The following PIK3C3 variants were observed in gnomAD, a reference collection of about 807,000 sequenced individuals.
PIK3C3 encodes phosphatidylinositol 3-kinase catalytic subunit type 3, also known as PI3-kinase type 3.
A neutral mutation model predicts 126.1 loss-of-function variants in PIK3C3; 95 were observed. The ratio of observed to expected loss-of-function variants is 0.75; its 90% CI spans 0.64 to 0.89. The LOEUF (loss-of-function observed/expected upper bound fraction) is 0.89. PIK3C3 is among the 40% of genes least tolerant of loss of function. The pLI, the probability that PIK3C3 is intolerant of heterozygous loss-of-function variation, is 0.00. For synonymous variants in PIK3C3, 374 were observed against 360.0 expected (o/e 1.04, Z -0.44); for missense variants, 829 against 1,063.2 (o/e 0.78, Z 3.06).
chr18:41,991,280 GTGGT>G (rs1981764118), intron 6 of PIK3C3, among the ~76,000 whole-genome samples: 1 of 152,062 alleles, frequency 6.6e-6, no homozygotes, highest in Admixed American at 6.6e-5. Flanking sequence ...TTCCAGCACT[GTGGT>G]TGGCTGCGTG....
chr18:42,033,518 C>T (rs1299061126), intron 15 of PIK3C3, among the ~76,000 whole-genome samples: 1 of 152,174 alleles, frequency 6.6e-6, no homozygotes, highest in African/African-American at 2.4e-5. Flanking sequence ...GAAATTGAAT[C>T]TTTAGGTCCA....
At position 42,013,507 on chromosome 18, in the gene PIK3C3, G is replaced by A; in HGVS notation, c.1236G>A (p.Lys412=). The part of the protein sequence containing the change: ...ALKYENFDDI[K]NGLEPTKKDS... ...AATATGAAAATTTTGATGATATAAA[G>A]AATGGATTGGAACCTACCAAGAAGG... Residue 412 remains lysine (K), a synonymous_variant, in exon 11 of 25, where the codon AAG becomes AAA. Coordinates refer to ENST00000262039, the MANE Select transcript of PIK3C3 (RefSeq NM_002647.4). 2.5e-6 allele frequency: 4 copies of A among 1,590,912 alleles called. No individual in the cohort carries two copies. The highest frequency in any genetic ancestry group is 3.4e-6 in the Non-Finnish European group (4 of 1,164,148).
chr18:42,074,481 G>A (rs1006439323), intron 24 of PIK3C3, among the ~76,000 whole-genome samples: 1 of 151,802 alleles, frequency 6.6e-6, no homozygotes, highest in African/African-American at 2.4e-5. Context: ...ACATGTAATT[G>A]GCTTTAATAA....
intron 24 of PIK3C3, among the ~76,000 whole-genome samples, chr18:42,076,338 AAATTT>A (rs1424209909): frequency 6.6e-6 from 1 of 151,590 alleles, no homozygotes; most frequent in Non-Finnish European, 1.5e-5. Context: ...TTTTACTTGT[AAATTT>A]AAATTATCTT....
intron 10 of PIK3C3, among the ~76,000 whole-genome samples, chr18:42,006,917 G>A (rs147854489): frequency 2.3e-5 from 3 of 132,376 alleles, no homozygotes; most frequent in Admixed American, 9.3e-5. Flanking sequence ...AGGCTGGAAT[G>A]CAGTGGCGTG....
intron 2 of PIK3C3, among the ~76,000 whole-genome samples, chr18:41,961,552 T>C (rs1980086455): frequency 6.6e-6 from 1 of 152,348 alleles, no homozygotes; most frequent in Middle Eastern, 3.4e-3. Context: ...TTGGAAATTT[T>C]GTTAAATGTT....
At position 42,015,657 on chromosome 18, in the gene PIK3C3, TA is replaced by T. The variant is rs878875300; in HGVS notation, c.1416+93del. 302 of 834,346 alleles carry T rather than the reference TA, an allele frequency of 3.6e-4. 2 individuals are homozygous for T. In the South Asian group the frequency reaches 4.2e-3, roughly 12 times the overall value. The allele number at this position is 834,346 out of a possible 1,614,324, so 51.7% of individuals were successfully genotyped here. On this transcript the variant is annotated intron_variant, in intron 12 of 24. Coordinates refer to ENST00000262039, the MANE Select transcript of PIK3C3 (RefSeq NM_002647.4). ...CTTTAAAACCTCAATTTTGATTAAA[TA>T]ACTAAATATTACAACTTTATTAAAT...
rs528208304 is a variant in PIK3C3, at chr18:42,013,861, C to T, written c.1325+265C>T. Among the ~76,000 whole-genome samples, 10 of 152,252 alleles carry T rather than the reference C, an allele frequency of 6.6e-5. No homozygotes were observed. In the South Asian group the frequency reaches 2.1e-3, roughly 32 times the overall value. On this transcript the variant is annotated intron_variant, in intron 11 of 24. Transcript: ENST00000262039. ...TATAAACTTGCATAAATTACATATT[C>T]TCTATGTGTCTCCGGTTTCTTAAGA... is the stretch of plus-strand genomic sequence containing the variant.
intron 22 of PIK3C3, among the ~76,000 whole-genome samples, chr18:42,061,010 A>G (rs1204126282): frequency 1.3e-5 from 2 of 152,216 alleles, no homozygotes; most frequent in South Asian, 2.1e-4. Flanking sequence ...TTGAAATACT[A>G]TAAGAACCTC....
At chr18:41,966,666 A>T (rs1484768484) in intron 3 of PIK3C3, among the ~76,000 whole-genome samples, 1 of 152,238 alleles carries the variant, frequency 6.6e-6, no homozygotes. Context: ...AAGAATCCCT[A>T]GTGAATACAA....
At chr18:41,978,966 A>G (rs892794932) in intron 4 of PIK3C3, among the ~76,000 whole-genome samples, 1 of 148,792 alleles carries the variant, frequency 6.7e-6, no homozygotes, top group Non-Finnish European at 1.5e-5. Flanking sequence ...GTGCACCTGT[A>G]GTTTCAGCCA....
chr18:42,009,871 T>C (rs1297427318), intron 10 of PIK3C3, among the ~76,000 whole-genome samples: 1 of 152,066 alleles, frequency 6.6e-6, no homozygotes, highest in African/African-American at 2.4e-5. Flanking sequence ...GTTGTAGTCT[T>C]TTTGGTAGTC....
At chr18:41,962,417 G>A (rs1381050664) in intron 2 of PIK3C3, 72 bp from the exon 3 acceptor site, 1 of 1,256,298 alleles carries the variant, frequency 8.0e-7, no homozygotes, top group African/African-American at 1.6e-5. Context: ...AAAACTTTTT[G>A]TGTGGTTTGT....
At chr18:42,062,942 C>G (rs1253916135) in intron 22 of PIK3C3, among the ~76,000 whole-genome samples, 2 of 152,132 alleles carry the variant, frequency 1.3e-5, no homozygotes, top group East Asian at 3.9e-4. Context: ...CAAGGATCAT[C>G]TATTTCATCT....
At chr18:42,045,551 G>T (rs1223051021) in intron 20 of PIK3C3, among the ~76,000 whole-genome samples, 1 of 152,200 alleles carries the variant, frequency 6.6e-6, no homozygotes, top group Admixed American at 6.5e-5. Flanking sequence ...CTTAGAGCTG[G>T]GTTCCAAGAG....
intron 13 of PIK3C3, chr18:42,025,784 A>G (rs1454988464): frequency 6.6e-6 from 1 of 152,226 alleles, no homozygotes; most frequent in Non-Finnish European, 1.5e-5. Flanking sequence ...GTAAAAAATG[A>G]ATATGTATTT....
At chr18:42,063,749 T>TATC (rs1985420373) in intron 22 of PIK3C3, among the ~76,000 whole-genome samples, 1 of 152,122 alleles carries the variant, frequency 6.6e-6, no homozygotes, top group South Asian at 2.1e-4. Context: ...TTATTATTAT[T>TATC]ATCATTATAG....
At chr18:41,997,243 A>T (rs542090131) in intron 9 of PIK3C3, among the ~76,000 whole-genome samples, 2 of 152,180 alleles carry the variant, frequency 1.3e-5, no homozygotes, top group Admixed American at 1.3e-4. Flanking sequence ...CTGGAGAGAG[A>T]GTATGAGAAA....
rs376300855 is a variant in PIK3C3, at chr18:41,957,773, G to A, written c.257+15G>A. On this transcript the variant is annotated intron_variant, in intron 2 of 24. Transcript: ENST00000262039. ...ACAAGATGGAAGTAAGTTTTTTTGT[G>A]GCATATGGTATGTTACAGACTGTTC... 1.2e-5 allele frequency: 19 copies of A among 1,598,068 alleles called. No individual in the cohort carries two copies. In the African/African-American group the frequency reaches 2.4e-4, roughly 20 times the overall value.
Sources: gnomAD v4.1 joint callset for allele counts (sites outside exome capture counted in the v4.1 genomes callset) on GRCh38, gnomAD v4.1.1 for gene constraint, MANE v1.5 for transcripts, NCBI Gene and HGNC (gene_info 2026-07-23, HGNC 2026-07-21) for gene names.